The following GRIK4 variants were observed in gnomAD, a reference collection of about 807,000 sequenced individuals.
GRIK4 encodes the protein glutamate ionotropic receptor kainate type subunit 4.
Under a neutral mutation model 104.9 loss-of-function variants are expected in GRIK4, and 40 were observed. The ratio of observed to expected loss-of-function variants is 0.38; its 90% CI spans 0.30 to 0.50. The LOEUF (loss-of-function observed/expected upper bound fraction) is 0.50, where lower values mean the gene tolerates loss of function less well. Ranked by LOEUF, GRIK4 falls within the 20% of genes least tolerant of loss-of-function variation. GRIK4 has a pLI of 0.93. For missense variants in GRIK4, 1,047 were observed against 1,308.1 expected (o/e 0.80, Z 3.08); for synonymous variants, 485 against 524.9 (o/e 0.92, Z 1.04).
At chr11:120,936,073 C>CTCA in intron 13 of GRIK4, 1 of 221,922 alleles carries the variant, frequency 4.5e-6, no homozygotes, top group South Asian at 5.7e-5. Context: ...CTTCCTCCTC[C>CTCA]TCCTCTTCAT....
At chr11:120,884,181 C>G (rs1955052247) in intron 11 of GRIK4, among the ~76,000 whole-genome samples, 1 of 152,220 alleles carries the variant, frequency 6.6e-6, no homozygotes, top group African/African-American at 2.4e-5. Context: ...CTCAGTCAAG[C>G]AGGGATGGTG....
chr11:120,541,665 A>AT lies in GRIK4; in HGVS notation c.-159+29786dup, dbSNP rs909437084. 8.6e-5 allele frequency among the ~76,000 whole-genome samples: 13 copies of AT among 151,638 alleles called. 1 individual carries two copies. Among genetic ancestry groups the AT allele is most frequent in the East Asian group, 3.9e-4 (2 of 5,162 alleles). On this transcript the variant is annotated intron_variant, in intron 1 of 20. Transcript: ENST00000527524. ...GCCATCACGCCTGGCTAATTTTAGT[A>AT]TTTTTTTTGTAGAGACAGGGTTTTG...
At position 120,555,231 on chromosome 11, in the gene GRIK4, T is replaced by C. The variant is rs984801977; in HGVS notation, c.-159+43344T>C. Among the ~76,000 whole-genome samples, 1 of 152,236 alleles carries C rather than the reference T, an allele frequency of 6.6e-6. No homozygotes were observed. The highest frequency in any genetic ancestry group is 2.4e-5 in the African/African-American group (1 of 41,464). On this transcript the variant is annotated intron_variant, in intron 1 of 20. Coordinates refer to ENST00000527524, the MANE Select transcript of GRIK4 (RefSeq NM_014619.5). The surrounding 1 kb of genome is among the most constrained non-coding windows in gnomAD (Gnocchi z 5.3). The stretch of plus-strand genomic sequence containing the variant: ...ATGCCCCAGAGAGCCCTATGCTTTT[T>C]GCTGGCTGTCCAAAAGCAAAACCCA...
At chr11:120,639,088 C>G (rs1053007145) in intron 1 of GRIK4, among the ~76,000 whole-genome samples, 9 of 151,970 alleles carry the variant, frequency 5.9e-5, no homozygotes, top group Admixed American at 3.3e-4. Flanking sequence ...ATCGCCCACT[C>G]AGGAGTGGAG....
intron 11 of GRIK4, among the ~76,000 whole-genome samples, chr11:120,878,970 T>C (rs1318897964): frequency 2.6e-5 from 4 of 152,178 alleles, no homozygotes; most frequent in African/African-American, 9.7e-5. Context: ...TAACATCTTT[T>C]GAGTACTTTT....
At chr11:120,568,385 T>C (rs1948356975) in intron 1 of GRIK4, among the ~76,000 whole-genome samples, 1 of 141,096 alleles carries the variant, frequency 7.1e-6, no homozygotes, top group South Asian at 2.1e-4. Context: ...CATTCTTTTC[T>C]TTTCTTTTCT....
At chr11:120,793,507 G>A (rs1952443188) in intron 3 of GRIK4, among the ~76,000 whole-genome samples, 1 of 152,158 alleles carries the variant, frequency 6.6e-6, no homozygotes, top group Non-Finnish European at 1.5e-5. Flanking sequence ...TTGTTGGGAA[G>A]GTATGGGGCA....
chr11:120,566,729 G>A (rs1948329365), intron 1 of GRIK4, among the ~76,000 whole-genome samples: 1 of 147,848 alleles, frequency 6.8e-6, no homozygotes, highest in Admixed American at 6.8e-5. Flanking sequence ...TTTTGAGACG[G>A]CGTCTCACTC....
At chr11:120,746,332 C>A (rs989651778) in intron 3 of GRIK4, among the ~76,000 whole-genome samples, 3 of 152,126 alleles carry the variant, frequency 2.0e-5, no homozygotes, top group African/African-American at 7.2e-5. Flanking sequence ...TCTGAAAACT[C>A]AAGGGAGGTA....
chr11:120,687,729 G>A (rs987413138), intron 3 of GRIK4, among the ~76,000 whole-genome samples: 12 of 152,112 alleles, frequency 7.9e-5, no homozygotes, highest in African/African-American at 1.7e-4. Context: ...AGTCCCTGCC[G>A]GGTTGTGTTT....
chr11:120,732,303 T>C lies in GRIK4; in HGVS notation c.83-70390T>C, dbSNP rs545082495. 6.6e-5 allele frequency among the ~76,000 whole-genome samples: 10 copies of C among 152,270 alleles called. No individual in the cohort carries two copies. In the South Asian group the frequency reaches 2.1e-3, roughly 32 times the overall value. On this transcript the variant is annotated intron_variant, in intron 3 of 20. Coordinates refer to ENST00000527524, the MANE Select transcript of GRIK4 (RefSeq NM_014619.5). ...TGCACCACAACACCCGGCTAATTTT[T>C]GTATATTTTTTAGTAGAGACGGGGT...
intron 1 of GRIK4, among the ~76,000 whole-genome samples, chr11:120,538,239 G>C (rs1947998919): frequency 6.6e-6 from 1 of 152,190 alleles, no homozygotes; most frequent in Non-Finnish European, 1.5e-5. Flanking sequence ...GCATCACTTG[G>C]GCGTCAGGGC....
At chr11:120,647,913 G>C (rs1349255383) in intron 1 of GRIK4, among the ~76,000 whole-genome samples, 2 of 152,240 alleles carry the variant, frequency 1.3e-5, no homozygotes, top group East Asian at 3.9e-4. Context: ...GCATGGAGCT[G>C]GGTGGGTCCC....
intron 13 of GRIK4, among the ~76,000 whole-genome samples, chr11:120,906,555 G>A (rs149104538): frequency 6.6e-6 from 1 of 152,314 alleles, no homozygotes; most frequent in East Asian, 1.9e-4. Flanking sequence ...TTGGAACCCA[G>A]ATCTTTTTCT....
chr11:120,666,452 C>A lies in GRIK4; in HGVS notation c.82+6052C>A, dbSNP rs545230548. 8.3e-4 allele frequency among the ~76,000 whole-genome samples: 126 copies of A among 152,308 alleles called. 1 individual carries two copies. The highest frequency in any genetic ancestry group is 3.0e-3 in the African/African-American group (123 of 41,564). ...CAGTGTGGCGACGCCTGGGGGCTCA[C>A]AAAACGAGGCAGAGCTAAAGAGAAA... On this transcript the variant is annotated intron_variant, in intron 3 of 20. Coordinates refer to ENST00000527524, the MANE Select transcript of GRIK4 (RefSeq NM_014619.5).
chr11:120,695,333 CCTGGCCCTCCCT>C (rs1340555435), intron 3 of GRIK4, among the ~76,000 whole-genome samples: 1 of 152,254 alleles, frequency 6.6e-6, no homozygotes, highest in African/African-American at 2.4e-5. Context: ...CCACCCAGGC[CCTGGCCCTCCCT>C]CTGGCCCAGG....
chr11:120,599,922 G>GT (rs1253106194), intron 1 of GRIK4, among the ~76,000 whole-genome samples: 2 of 152,252 alleles, frequency 1.3e-5, no homozygotes, highest in Admixed American at 6.5e-5. Context: ...GGCTTTTGGT[G>GT]TCTCTTGCAG....
At chr11:120,780,382 C>CA (rs1952130021) in intron 3 of GRIK4, among the ~76,000 whole-genome samples, 1 of 152,218 alleles carries the variant, frequency 6.6e-6, no homozygotes, top group Non-Finnish European at 1.5e-5. Context: ...TGAAATCATA[C>CA]AGTCTTTGTC....
At chr11:120,803,528 C>T (rs1460476209) in intron 4 of GRIK4, among the ~76,000 whole-genome samples, 2 of 152,174 alleles carry the variant, frequency 1.3e-5, no homozygotes, top group Non-Finnish European at 2.9e-5. Flanking sequence ...ACCTCTGCCT[C>T]CCGCGTTCAA....
Sources: allele counts gnomAD v4.1 joint callset (sites outside exome capture counted in the v4.1 genomes callset), GRCh38; gene constraint gnomAD v4.1.1; non-coding constraint Gnocchi (gnomAD v3.1); transcripts MANE v1.5; gene names NCBI Gene and HGNC (gene_info 2026-07-23, HGNC 2026-07-21).